ZNF611: variants seen among roughly 807,000 people sequenced by gnomAD.
The protein encoded by ZNF611 is zinc finger protein 611.
ZNF611 carries 6 observed loss-of-function variants against 8.9 expected under a neutral mutation model. That is an observed-to-expected ratio of 0.68 (90% CI 0.37 to 1.34). The LOEUF is 1.34. ZNF611 is among the 40% of genes most tolerant of loss of function. ZNF611 has a pLI of 0.02. For synonymous variants in ZNF611, 262 were observed against 279.7 expected (o/e 0.94, Z 0.63); for missense variants, 874 against 841.3 (o/e 1.04, Z -0.48).
intron 4 of ZNF611, among the ~76,000 whole-genome samples, chr19:52,715,307 T>A: frequency 6.6e-6 from 1 of 151,964 alleles, no homozygotes; most frequent in African/African-American, 2.4e-5. Flanking sequence ...GTACAAAAAT[T>A]AGCTGGGCGT....
intron 3 of ZNF611, among the ~76,000 whole-genome samples, chr19:52,724,880 T>C (rs894528094): frequency 3.3e-5 from 5 of 152,164 alleles, no homozygotes; most frequent in Non-Finnish European, 7.3e-5. Flanking sequence ...CATCTAGCTC[T>C]TCTCTACATT....
intron 1 of ZNF611, among the ~76,000 whole-genome samples, chr19:52,734,536 CGGGGGGGGGG>C (rs3029477): frequency 0.45 from 58,728 of 129,430 alleles, 13,289 homozygotes; most frequent in East Asian, 0.55. Flanking sequence ...AGGTGCGGGG[CGGGGGGGGGG>C]GGCGCGACGG....
At chr19:52,716,110 CCT>C in intron 3 of ZNF611, 197 bp from the exon 4 acceptor site, 1 of 598,442 alleles carries the variant, frequency 1.7e-6, no homozygotes, top group Non-Finnish European at 2.9e-6. Context: ...TCAGATCTCA[CCT>C]CTCTCCTGGA....
In ZNF611 at chr19:52,705,819, C is replaced by G. The variant is rs369701743; in HGVS notation, c.1236G>C (p.Gln412His). 6.8e-6 allele frequency: 11 copies of G among 1,613,334 alleles called. No individual in the cohort carries two copies. Among genetic ancestry groups the G allele is most frequent in the African/African-American group, 2.7e-5 (2 of 74,762 alleles). Residue 412 changes from glutamine to histidine, a missense_variant, in exon 6 of 6, where the codon CAG becomes CAC. By Grantham distance (24) the Gln-to-His change is conservative (BLOSUM62 0). Transcript: ENST00000652185. ...VCDTAFTWHSQLARHRRIHTA... is the reference protein window; with the variant it reads ...VCDTAFTWHSHLARHRRIHTA... ...TATGAATTCTTCTATGTCGAGCCAG[C>G]TGTGAATGCCACGTGAAAGCTGTGT...
intron 5 of ZNF611, chr19:52,707,604 A>G (rs2062253901): frequency 6.6e-6 from 1 of 151,922 alleles, no homozygotes; most frequent in African/African-American, 2.4e-5. Context: ...AAAATTACCT[A>G]TAAGAACAGG....
rs534466244 is a variant in ZNF611, at chr19:52,734,499, G to A, written c.-222+502C>T. On this transcript the variant is annotated intron_variant, in intron 1 of 5. Transcript: ENST00000652185. ...GGTGACTGCGGAGGGGAGACCTGGGGAGCAGCAGGCCCCGGCATGAGGAGG... is the reference window on the plus strand; with the variant it reads ...GGTGACTGCGGAGGGGAGACCTGGGAAGCAGCAGGCCCCGGCATGAGGAGG... Among the ~76,000 whole-genome samples, 1,303 of 146,916 alleles carry A rather than the reference G, an allele frequency of 8.9e-3. 15 individuals carry two copies. Among genetic ancestry groups the A allele is most frequent in the Non-Finnish European group, 0.014 (928 of 66,568 alleles).
At chr19:52,718,017 G>A (rs1372853925) in intron 3 of ZNF611, among the ~76,000 whole-genome samples, 1 of 152,014 alleles carries the variant, frequency 6.6e-6, no homozygotes, top group East Asian at 1.9e-4. Context: ...TGAAATCTTG[G>A]GTCAAAGGAG....
chr19:52,726,562 G>A (rs996547217), intron 3 of ZNF611, among the ~76,000 whole-genome samples: 1 of 151,968 alleles, frequency 6.6e-6, no homozygotes, highest in African/African-American at 2.4e-5. Context: ...GGGACTACAG[G>A]TGCCCGCCAC....
At chr19:52,708,479 C>A (rs2062259285) in intron 5 of ZNF611, 1 of 152,106 alleles carries the variant, frequency 6.6e-6, no homozygotes, top group African/African-American at 2.4e-5. Context: ...GCCTGGGTGA[C>A]AGAGCGAGAC....
At chr19:52,725,424 G>T (rs765184923) in intron 3 of ZNF611, among the ~76,000 whole-genome samples, 1 of 152,196 alleles carries the variant, frequency 6.6e-6, no homozygotes, top group Non-Finnish European at 1.5e-5. Flanking sequence ...TCCAGCGCAC[G>T]GGTGAGGACT....
intron 3 of ZNF611, among the ~76,000 whole-genome samples, chr19:52,718,943 C>A (rs570812078): frequency 6.6e-6 from 1 of 152,306 alleles, no homozygotes; most frequent in Non-Finnish European, 1.5e-5. Context: ...GAGGCCAAGG[C>A]GGGTGGATCA....
In ZNF611 at chr19:52,706,772, T is replaced by G. The variant is rs1346441894; in HGVS notation, c.283A>C (p.Ser95Arg). ...IHTGTLQRHE[S>R]HHIGDFCFQE... ...AAGCAAAAATCTCCAATGTGATGAC[T>G]TTCATGTCTTTGCAATGTCCCTGTG... Residue 95 changes from serine to arginine, a missense_variant, in exon 6 of 6, where the codon AGT becomes CGT. Coordinates refer to ENST00000652185, the MANE Select transcript of ZNF611 (RefSeq NM_001161499.2). The G allele has an allele frequency of 2.5e-6, 4 of 1,614,066 alleles. No individual in the cohort carries two copies. The African/African-American group carries it at 5.3e-5, about 22-fold the overall frequency.
chr19:52,731,063 T>G (rs929624728), intron 1 of ZNF611, among the ~76,000 whole-genome samples: 15 of 151,878 alleles, frequency 9.9e-5, no homozygotes, highest in East Asian at 7.8e-4. Flanking sequence ...CCCTGGCTAT[T>G]TTTTTTTGGG....
chr19:52,711,142 G>C (rs2062276825), intron 5 of ZNF611: 1 of 151,834 alleles, frequency 6.6e-6, no homozygotes, highest in Non-Finnish European at 1.5e-5. Flanking sequence ...GACCAGCCTG[G>C]CCAACATGGT....
chr19:52,731,250 A>G (rs2062424064), intron 1 of ZNF611, among the ~76,000 whole-genome samples: 1 of 152,122 alleles, frequency 6.6e-6, no homozygotes, highest in Admixed American at 6.5e-5. Flanking sequence ...TATTTTTGGT[A>G]GATACAGGGT....
chr19:52,734,536 C>CGG lies in ZNF611; in HGVS notation c.-222+463_-222+464dup, dbSNP rs3029477. Among the ~76,000 whole-genome samples, 744 of 127,982 alleles carry CGG rather than the reference C, an allele frequency of 5.8e-3. 41 individuals are homozygous for CGG. The highest frequency in any genetic ancestry group is 0.018 in the South Asian group (67 of 3,738). 84.0% of individuals were successfully genotyped at this position (127,982 alleles called of 152,430 possible). On this transcript the variant is annotated intron_variant, in intron 1 of 5. Coordinates refer to ENST00000652185, the MANE Select transcript of ZNF611 (RefSeq NM_001161499.2). The stretch of plus-strand genomic sequence containing the variant: ...CCGGCATGAGGAGGAAGGTGCGGGG[C>CGG]GGGGGGGGGGGGCGCGACGGCGCCT...
chr19:52,714,524 C>T (rs767077227), intron 4 of ZNF611, among the ~76,000 whole-genome samples: 11 of 151,134 alleles, frequency 7.3e-5, no homozygotes, highest in Non-Finnish European at 1.3e-4. Context: ...ACTGTCTCTC[C>T]TAAAAATATA....
chr19:52,712,872 C>G (rs2062290202), intron 5 of ZNF611, among the ~76,000 whole-genome samples: 1 of 152,170 alleles, frequency 6.6e-6, no homozygotes, highest in Non-Finnish European at 1.5e-5. Context: ...TACACACATA[C>G]AGTGGAATAT....
At chr19:52,720,910 G>A (rs1339692548) in intron 3 of ZNF611, 4 of 150,236 alleles carry the variant, frequency 2.7e-5, no homozygotes, top group African/African-American at 1.1e-4. Flanking sequence ...CAGTCAGGCA[G>A]AGGCGCTCCT....
Sources: allele counts gnomAD v4.1 joint callset (sites outside exome capture counted in the v4.1 genomes callset), GRCh38; gene constraint gnomAD v4.1.1; transcripts MANE v1.5; gene names NCBI Gene and HGNC (gene_info 2026-07-23, HGNC 2026-07-21).